The following POU2F2 variants were observed in gnomAD, a reference collection of about 807,000 sequenced individuals.
The protein encoded by POU2F2 is POU class 2 homeobox 2.
Under a neutral mutation model 63.5 loss-of-function variants are expected in POU2F2, and 14 were observed. The observed-to-expected ratio is 0.22, with a 90% CI of 0.15 to 0.34. POU2F2 has a LOEUF of 0.34. POU2F2 is among the 10% of genes least tolerant of loss of function. The pLI is 1.00. For synonymous variants in POU2F2, 306 were observed against 348.6 expected (o/e 0.88, Z 1.36); for missense variants, 607 against 815.2 (o/e 0.74, Z 3.11).
At chr19:42,174,869 G>A (rs531749325) in intron 1 of POU2F2, among the ~76,000 whole-genome samples, 39 of 152,234 alleles carry the variant, frequency 2.6e-4, no homozygotes, top group African/African-American at 8.9e-4. Context: ...GCTACTGAGC[G>A]AAGCGGCTGA....
rs1406654911 is a variant in POU2F2, at chr19:42,090,645, C to T, written c.*612G>A. 6.5e-6 allele frequency: 1 copy of T among 152,880 alleles called. No homozygotes were observed. Among genetic ancestry groups the T allele is most frequent in the African/African-American group, 2.4e-5 (1 of 41,460 alleles). The allele number at this position is 152,880 out of a possible 1,614,324, so 9.5% of individuals were successfully genotyped here. On this transcript the variant is annotated 3_prime_UTR_variant, in exon 15 of 15. Transcript: ENST00000692977. The surrounding 1 kb of genome is among the most constrained non-coding windows in gnomAD (Gnocchi z 4.4). ...ATATTTGGTGTAAGGTTGTTCAGGC[C>T]CTTTCTCTTTCACCTTCTGGAAAAG...
chr19:42,154,426 A>C (rs996116744), intron 2 of POU2F2, among the ~76,000 whole-genome samples: 2 of 152,162 alleles, frequency 1.3e-5, no homozygotes. Flanking sequence ...GCAAATGCAG[A>C]GAGCACGACA....
chr19:42,099,119 C>T (rs2077031705), intron 7 of POU2F2, among the ~76,000 whole-genome samples: 1 of 152,260 alleles, frequency 6.6e-6, no homozygotes, highest in Admixed American at 6.5e-5. Flanking sequence ...GTGAAATAAT[C>T]ACCTAACGAA....
Position 42,095,938 on chromosome 19 carries a change from G to T in POU2F2, c.730-9C>A. On this transcript the variant is annotated splice_polypyrimidine_tract_variant and intron_variant, in intron 8 of 14. Transcript: ENST00000692977. This position sits in a 1 kb window ranked among gnomAD's most constrained non-coding sequence, Gnocchi z 7.1. ...GCCAGGCCCACATCACCCTGGGCCA[G>T]TGGGGCGGGGAAGGGCCCGAAGTCA... is the stretch of plus-strand genomic sequence containing the variant. 1 of 1,612,212 alleles carries T rather than the reference G, an allele frequency of 6.2e-7. No homozygotes were observed. The highest frequency in any genetic ancestry group is 8.5e-7 in the Non-Finnish European group (1 of 1,178,878).
intron 2 of POU2F2, among the ~76,000 whole-genome samples, chr19:42,151,940 T>C (rs1322069033): frequency 6.6e-6 from 1 of 152,182 alleles, no homozygotes; most frequent in Non-Finnish European, 1.5e-5. Context: ...AAACTTAACG[T>C]CCGTCAGAAA....
intron 1 of POU2F2, among the ~76,000 whole-genome samples, chr19:42,127,019 C>G (rs1227843799): frequency 6.6e-6 from 1 of 152,040 alleles, no homozygotes; most frequent in Non-Finnish European, 1.5e-5. Context: ...TGGGGTCAAG[C>G]TATCCTCCCA....
rs1284338593 is a variant in POU2F2 at position 42,096,721 on chromosome 19, A to G, written c.568-478T>C. Among the ~76,000 whole-genome samples the G allele has an allele frequency of 6.6e-6, 1 of 152,220 alleles. No individual in the cohort carries two copies. Among genetic ancestry groups the G allele is most frequent in the Non-Finnish European group, 1.5e-5 (1 of 68,034 alleles). ...GGCTGTTGAGAGAATCGGGTTAAAA[A>G]TGAGTAGGTCGTGCAGACCCATGGA... On this transcript the variant is annotated intron_variant, in intron 7 of 14. Transcript: ENST00000692977. This position sits in a 1 kb window ranked among gnomAD's most constrained non-coding sequence, Gnocchi z 4.1.
intron 5 of POU2F2, among the ~76,000 whole-genome samples, chr19:42,113,960 C>A (rs1203293237): frequency 6.6e-6 from 1 of 152,158 alleles, no homozygotes; most frequent in African/African-American, 2.4e-5. Flanking sequence ...GAAATGACGT[C>A]AAAGGGCAAC....
chr19:42,164,389 G>A (rs1599698327), intron 1 of POU2F2, among the ~76,000 whole-genome samples: 1 of 151,294 alleles, frequency 6.6e-6, no homozygotes, highest in East Asian at 2.0e-4. Flanking sequence ...TCAGGAGTTT[G>A]AAACCCCATC....
intron 1 of POU2F2, among the ~76,000 whole-genome samples, chr19:42,174,971 C>G (rs1389609284): frequency 6.6e-6 from 1 of 152,212 alleles, no homozygotes; most frequent in East Asian, 1.9e-4. Context: ...AGGCCAAAGG[C>G]TTTCTCTCAG....
intron 5 of POU2F2, among the ~76,000 whole-genome samples, chr19:42,114,234 ATGGTGGCC>A (rs2031542787): frequency 1.3e-5 from 2 of 152,078 alleles, no homozygotes; most frequent in South Asian, 4.1e-4. Context: ...GCTCACAGAG[ATGGTGGCC>A]TGGCTGGGTC....
chr19:42,169,984 G>A lies in POU2F2; in HGVS notation c.-70+5979C>T, dbSNP rs1020928774. Among the ~76,000 whole-genome samples, 4 of 152,058 alleles carry A rather than the reference G, an allele frequency of 2.6e-5. No homozygotes were observed. The highest frequency in any genetic ancestry group is 9.7e-5 in the African/African-American group (4 of 41,382). Reference sequence around the variant, plus strand: ...ATTTCTCCACAGCCAGGCAGGCTGGGCCCTGAGGGGAGTGGTGGGGGAGGG... The same window carrying A: ...ATTTCTCCACAGCCAGGCAGGCTGGACCCTGAGGGGAGTGGTGGGGGAGGG... On this transcript the variant is annotated intron_variant, in intron 1 of 6. Transcript: ENST00000524801. The surrounding 1 kb of genome is among the most constrained non-coding windows in gnomAD (Gnocchi z 4.3).
At chr19:42,094,735 C>G (rs2076854309) in intron 11 of POU2F2, among the ~76,000 whole-genome samples, 3 of 152,222 alleles carry the variant, frequency 2.0e-5, no homozygotes, top group Admixed American at 2.0e-4. Context: ...GGCTAACTCT[C>G]CCTTGTCCTT....
At chr19:42,194,400 A>G (rs2146830302) in intron 1 of POU2F2, among the ~76,000 whole-genome samples, 1 of 152,092 alleles carries the variant, frequency 6.6e-6, no homozygotes. Context: ...AAAGAAAAAG[A>G]GAAAGAGGAA....
intron 1 of POU2F2, among the ~76,000 whole-genome samples, chr19:42,166,299 G>A (rs1418507490): frequency 6.6e-6 from 1 of 152,086 alleles, no homozygotes; most frequent in Non-Finnish European, 1.5e-5. Context: ...TCATGCTCTG[G>A]GGACACTCTA....
At chr19:42,150,665 C>T (rs1026038901) in intron 2 of POU2F2, among the ~76,000 whole-genome samples, 1 of 151,910 alleles carries the variant, frequency 6.6e-6, no homozygotes, top group Non-Finnish European at 1.5e-5. Context: ...TGCCTCCTGC[C>T]CTTTCTCTCT....
intron 1 of POU2F2, 79 bp from the exon 2 acceptor site, chr19:42,122,655 C>A: frequency 7.7e-7 from 1 of 1,304,404 alleles, no homozygotes; most frequent in South Asian, 1.5e-5. Context: ...CCACCACACT[C>A]CCCAAGCCTT....
At chr19:42,103,983 C>A (rs1263662200) in intron 5 of POU2F2, among the ~76,000 whole-genome samples, 1 of 151,960 alleles carries the variant, frequency 6.6e-6, no homozygotes, top group Non-Finnish European at 1.5e-5. Flanking sequence ...GCAAATAACT[C>A]TATATAATTA....
intron 4 of POU2F2, among the ~76,000 whole-genome samples, chr19:42,119,348 T>TG (rs150540766): frequency 0.02 from 3,038 of 152,164 alleles, 96 homozygotes; most frequent in African/African-American, 0.068. Context: ...TCTATGTGTG[T>TG]TTTTAATGTG....
Sources: allele counts gnomAD v4.1 joint callset (sites outside exome capture counted in the v4.1 genomes callset), GRCh38; gene constraint gnomAD v4.1.1; non-coding constraint Gnocchi (gnomAD v3.1); transcripts MANE v1.5; gene names NCBI Gene and HGNC (gene_info 2026-07-23, HGNC 2026-07-21).